Variants in RGS22 observed in about 807,000 individuals in gnomAD.
The protein encoded by RGS22 is regulator of G protein signaling 22, also known as regulator of G-protein signaling 22.
In RGS22, 148 loss-of-function variants were observed where a neutral mutation model predicts 172.9. The ratio of observed to expected loss-of-function variants is 0.86; its 90% CI spans 0.75 to 0.98. RGS22 has a LOEUF of 0.98. RGS22 is among the 50% of genes least tolerant of loss of function. The probability of loss-of-function intolerance (pLI) is 0.00; values close to 1 mark genes in which losing one functional copy is unlikely to be tolerated. For missense variants in RGS22, 1,347 were observed against 1,440.8 expected (o/e 0.93, Z 1.05); for synonymous variants, 458 against 480.2 (o/e 0.95, Z 0.60).
intron 6 of RGS22, among the ~76,000 whole-genome samples, chr8:100,067,237 C>G (rs1254024630): frequency 2.0e-5 from 3 of 152,068 alleles, no homozygotes; most frequent in Admixed American, 6.6e-5. Flanking sequence ...GCAAGTCAAG[C>G]CACATAAGAA....
intron 14 of RGS22, among the ~76,000 whole-genome samples, chr8:100,033,375 G>A (rs1444259232): frequency 1.3e-5 from 2 of 150,952 alleles, no homozygotes; most frequent in Non-Finnish European, 2.9e-5. Context: ...TACCATCAGA[G>A]AATACTATAA....
At chr8:99,962,368 C>A in intron 27 of RGS22, 26 bp downstream of exon 27, 1 of 1,513,754 alleles carries the variant, frequency 6.6e-7, no homozygotes, top group South Asian at 1.1e-5. Context: ...TGTGTGGGAC[C>A]AACCAACATT....
At chr8:99,989,205 G>A (rs1813422948) in intron 20 of RGS22, among the ~76,000 whole-genome samples, 1 of 152,054 alleles carries the variant, frequency 6.6e-6, no homozygotes, top group Admixed American at 6.6e-5. Flanking sequence ...ATTTTTGTTA[G>A]TTAGCAGAGG....
chr8:100,080,402 A>G, intron 3 of RGS22, 47 bp from the exon 4 acceptor site: 1 of 1,364,580 alleles, frequency 7.3e-7, no homozygotes, highest in South Asian at 1.3e-5. Context: ...AAACCTGGAA[A>G]CTCATGGTCT....
chr8:99,989,937 G>T (rs1271879455), intron 20 of RGS22, among the ~76,000 whole-genome samples: 1 of 152,102 alleles, frequency 6.6e-6, no homozygotes. Context: ...TAGACAGACA[G>T]ATAAATGAAA....
At chr8:99,994,762 C>A (rs527266701) in intron 20 of RGS22, among the ~76,000 whole-genome samples, 2 of 152,266 alleles carry the variant, frequency 1.3e-5, no homozygotes, top group East Asian at 3.9e-4. Flanking sequence ...AGAAAAAAAA[C>A]TACTTTAAAG....
rs367596278 is a variant in RGS22, at chr8:100,098,115, A to G, written c.55-4606T>C. Reference sequence around the variant, plus strand: ...CAGAAGTCTGGAGTAGTGGTCATCTATATTTCCCCTATAAAAACCTTTATC... The same window carrying G: ...CAGAAGTCTGGAGTAGTGGTCATCTGTATTTCCCCTATAAAAACCTTTATC... On this transcript the variant is annotated intron_variant, in intron 2 of 27. Coordinates refer to ENST00000360863, the MANE Select transcript of RGS22 (RefSeq NM_015668.5). Among the ~76,000 whole-genome samples the G allele has an allele frequency of 1.2e-4, 19 of 152,214 alleles. No homozygotes were observed. In the South Asian group the frequency reaches 3.9e-3, roughly 32 times the overall value.
At chr8:100,101,288 T>A (rs146067455) in intron 2 of RGS22, among the ~76,000 whole-genome samples, 3 of 151,072 alleles carry the variant, frequency 2.0e-5, no homozygotes, top group African/African-American at 7.4e-5. Context: ...ACTCCTAAAT[T>A]TCTTTTTTTT....
rs145091321 is a variant in RGS22, at chr8:100,015,158, C to T, written c.2167-6589G>A. On this transcript the variant is annotated intron_variant, in intron 14 of 27. Transcript: ENST00000360863. The stretch of plus-strand genomic sequence containing the variant: ...TTCTTCCCTGAACTCAAAACCTTTG[C>T]TTCTAGCAGCCTACTTTGTTATAGC... Among the ~76,000 whole-genome samples the T allele has an allele frequency of 5.5e-3, 845 of 152,344 alleles. 7 individuals carry two copies. Among genetic ancestry groups the T allele is most frequent in the Non-Finnish European group, 9.9e-3 (670 of 68,020 alleles).
intron 3 of RGS22, among the ~76,000 whole-genome samples, chr8:100,089,990 C>G (rs899357561): frequency 6.6e-6 from 1 of 152,064 alleles, no homozygotes; most frequent in African/African-American, 2.4e-5. Context: ...GTTAAAAAGG[C>G]AAAGCCAATG....
intron 21 of RGS22, among the ~76,000 whole-genome samples, chr8:99,984,227 C>G (rs1206235885): frequency 2.6e-5 from 4 of 152,190 alleles, no homozygotes; most frequent in Non-Finnish European, 5.9e-5. Context: ...GTTGACGCTG[C>G]AGTGGGCCAT....
intron 10 of RGS22, among the ~76,000 whole-genome samples, chr8:100,052,493 G>A (rs1563673999): frequency 1.3e-5 from 2 of 151,484 alleles, no homozygotes; most frequent in Admixed American, 6.6e-5. Context: ...AGTAGAGACG[G>A]GGTTTCACCG....
intron 3 of RGS22, among the ~76,000 whole-genome samples, chr8:100,086,519 T>C (rs530322783): frequency 3.9e-5 from 6 of 152,054 alleles, no homozygotes; most frequent in African/African-American, 1.4e-4. Context: ...CGAGTGCTCA[T>C]GGACATAAAT....
chr8:99,998,722 C>T (rs1228355027), intron 19 of RGS22, among the ~76,000 whole-genome samples: 1 of 152,128 alleles, frequency 6.6e-6, no homozygotes, highest in Non-Finnish European at 1.5e-5. Flanking sequence ...GTGATCATAG[C>T]TCACTGTAAC....
chr8:99,997,076 T>C (rs1814478929), intron 19 of RGS22, among the ~76,000 whole-genome samples: 1 of 152,176 alleles, frequency 6.6e-6, no homozygotes, highest in Admixed American at 6.5e-5. Context: ...CTAAGTCTTT[T>C]TGATAGAGCC....
chr8:100,085,433 C>T (rs1812089770), intron 3 of RGS22, among the ~76,000 whole-genome samples: 1 of 152,088 alleles, frequency 6.6e-6, no homozygotes, highest in Non-Finnish European at 1.5e-5. Context: ...AAAGACCCAT[C>T]CTATGAGGGG....
rs192414231 is a variant in RGS22, at chr8:100,074,731, A to G, written c.340-2501T>C. 1.1e-3 allele frequency among the ~76,000 whole-genome samples: 170 copies of G among 152,040 alleles called. 1 individual carries two copies. The highest frequency in any genetic ancestry group is 5.9e-4 in the Non-Finnish European group (40 of 67,958). On this transcript the variant is annotated intron_variant, in intron 4 of 27. Coordinates refer to ENST00000360863, the MANE Select transcript of RGS22 (RefSeq NM_015668.5). ...GAATAAAGCAACTATAGACGTTTAC[A>G]TGCAGGGTTTCTTTTTTGTTTTTTT...
intron 4 of RGS22, among the ~76,000 whole-genome samples, chr8:100,078,181 G>C (rs1277360456): frequency 2.0e-5 from 3 of 151,836 alleles, no homozygotes. Context: ...CCCTGACTCT[G>C]GCTTTTACTT....
intron 12 of RGS22, among the ~76,000 whole-genome samples, chr8:100,040,979 T>C (rs2131602211): frequency 6.6e-6 from 1 of 152,196 alleles, no homozygotes; most frequent in South Asian, 2.1e-4. Flanking sequence ...ATTATTTTAG[T>C]AGAAAAAAAC....
Sources: gnomAD v4.1 joint callset for allele counts (sites outside exome capture counted in the v4.1 genomes callset) on GRCh38, gnomAD v4.1.1 for gene constraint, MANE v1.5 for transcripts, NCBI Gene and HGNC (gene_info 2026-07-23, HGNC 2026-07-21) for gene names.